The following PRKG1 variants were observed in gnomAD, a reference collection of about 807,000 sequenced individuals.
PRKG1 encodes protein kinase cGMP-dependent 1.
In PRKG1, 35 loss-of-function variants were observed where a neutral mutation model predicts 88.1. That is an observed-to-expected ratio of 0.40 (90% confidence interval 0.30 to 0.53). The LOEUF (loss-of-function observed/expected upper bound fraction) is 0.53. PRKG1 is among the 20% of genes least tolerant of loss of function. PRKG1 has a pLI of 0.59. For missense variants in PRKG1, 540 were observed against 839.8 expected (o/e 0.64, Z 4.41); for synonymous variants, 303 against 292.5 (o/e 1.04, Z -0.37).
At chr10:52,222,356 A>AATC (rs1268832550) in intron 9 of PRKG1, among the ~76,000 whole-genome samples, 1 of 152,174 alleles carries the variant, frequency 6.6e-6, no homozygotes, top group East Asian at 1.9e-4. Flanking sequence ...CCAAAAAGTC[A>AATC]ATCTGTAATT....
In PRKG1 at chr10:51,029,492, T is replaced by G. The variant is rs557991253; in HGVS notation, c.266+37848T>G. Among the ~76,000 whole-genome samples, 4 of 152,282 alleles carry G rather than the reference T, an allele frequency of 2.6e-5. No homozygotes were observed. In the East Asian group the frequency reaches 7.7e-4, roughly 29 times the overall value. On this transcript the variant is annotated intron_variant, in intron 1 of 17. Transcript: ENST00000401604. Reference sequence around the variant, plus strand: ...ATTTCCTTTATTACCATATTTCTCATGCCGGAATGTCAGAAGTCATAAAAC... The same window carrying G: ...ATTTCCTTTATTACCATATTTCTCAGGCCGGAATGTCAGAAGTCATAAAAC...
intron 5 of PRKG1, among the ~76,000 whole-genome samples, chr10:51,918,977 T>C (rs1306566638): frequency 1.3e-5 from 2 of 152,128 alleles, no homozygotes; most frequent in Non-Finnish European, 2.9e-5. Flanking sequence ...AGTAACAGGC[T>C]AAAGATAAGA....
intron 2 of PRKG1, among the ~76,000 whole-genome samples, chr10:51,260,269 AT>A (rs1177843985): frequency 1.1e-4 from 17 of 152,178 alleles, no homozygotes; most frequent in Non-Finnish European, 2.4e-4. Flanking sequence ...TGCTATTCTG[AT>A]TTAGTTTTGT....
At chr10:51,271,611 C>T (rs905690109) in intron 2 of PRKG1, among the ~76,000 whole-genome samples, 1 of 152,056 alleles carries the variant, frequency 6.6e-6, no homozygotes, top group Non-Finnish European at 1.5e-5. Flanking sequence ...TATTTTAAAT[C>T]TATGGTCTAA....
chr10:51,008,862 A>G (rs1842964707), intron 1 of PRKG1, among the ~76,000 whole-genome samples: 2 of 152,284 alleles, frequency 1.3e-5, no homozygotes, highest in Admixed American at 1.3e-4. Context: ...GGTTTTGTGG[A>G]GGCTTTTTCA....
At chr10:52,118,893 C>T (rs913622878) in intron 7 of PRKG1, among the ~76,000 whole-genome samples, 5 of 151,998 alleles carry the variant, frequency 3.3e-5, no homozygotes, top group Admixed American at 6.5e-5. Context: ...TAACTTTATA[C>T]TATAATTTTG....
At chr10:51,420,299 T>C (rs1384088756) in intron 2 of PRKG1, among the ~76,000 whole-genome samples, 1 of 152,188 alleles carries the variant, frequency 6.6e-6, no homozygotes, top group Non-Finnish European at 1.5e-5. Context: ...GCAGGATTTC[T>C]TAAATCAATC....
intron 2 of PRKG1, among the ~76,000 whole-genome samples, chr10:51,464,298 T>C (rs576325960): frequency 3.6e-4 from 55 of 151,874 alleles, no homozygotes; most frequent in Admixed American, 7.2e-4. Flanking sequence ...AAAAAAGCAG[T>C]GCTTTTTGGA....
At chr10:51,878,949 A>T (rs1262144042) in intron 4 of PRKG1, among the ~76,000 whole-genome samples, 1 of 152,186 alleles carries the variant, frequency 6.6e-6, no homozygotes, top group Non-Finnish European at 1.5e-5. Flanking sequence ...GGCATGTCTA[A>T]TCCCATTATT....
intron 3 of PRKG1, among the ~76,000 whole-genome samples, chr10:51,626,192 G>A (rs1211827772): frequency 6.6e-6 from 1 of 152,154 alleles, no homozygotes; most frequent in African/African-American, 2.4e-5. Flanking sequence ...TTTCATGCAT[G>A]TCACAAAGCA....
intron 3 of PRKG1, among the ~76,000 whole-genome samples, chr10:51,570,713 A>T (rs1031631918): frequency 6.6e-6 from 1 of 151,948 alleles, no homozygotes; most frequent in African/African-American, 2.4e-5. Flanking sequence ...AAAATCCCTA[A>T]GTATCCTGAA....
At chr10:51,454,833 T>C (rs534717024) in intron 2 of PRKG1, among the ~76,000 whole-genome samples, 2 of 152,178 alleles carry the variant, frequency 1.3e-5, no homozygotes, top group Non-Finnish European at 2.9e-5. Context: ...GGAGCTACAA[T>C]TCAAGATGAG....
At chr10:51,698,064 G>C in intron 3 of PRKG1, 1 of 1,613,986 alleles carries the variant, frequency 6.2e-7, no homozygotes, top group Non-Finnish European at 8.5e-7. Context: ...GAAATGCCTG[G>C]GACCTGTCTG....
chr10:51,354,835 C>G (rs1019410870), intron 2 of PRKG1, among the ~76,000 whole-genome samples: 3 of 152,030 alleles, frequency 2.0e-5, no homozygotes, highest in African/African-American at 7.2e-5. Flanking sequence ...GCCAGTGTTA[C>G]TTGTCTGTTT....
At chr10:51,474,029 G>A (rs1177470276) in intron 3 of PRKG1, among the ~76,000 whole-genome samples, 2 of 151,812 alleles carry the variant, frequency 1.3e-5, no homozygotes, top group Admixed American at 1.3e-4. Flanking sequence ...TATAGGTCAG[G>A]GTCAGGATGA....
At chr10:51,159,140 A>G (rs777149656) in intron 2 of PRKG1, among the ~76,000 whole-genome samples, 2 of 152,064 alleles carry the variant, frequency 1.3e-5, no homozygotes, top group Non-Finnish European at 2.9e-5. Flanking sequence ...TCCCTCCCCA[A>G]ACATTTTTTA....
intron 2 of PRKG1, among the ~76,000 whole-genome samples, chr10:51,204,473 A>G (rs1422288172): frequency 6.6e-6 from 1 of 151,844 alleles, no homozygotes; most frequent in Non-Finnish European, 1.5e-5. Flanking sequence ...TACATTTTCC[A>G]AATTCTCTAG....
intron 3 of PRKG1, among the ~76,000 whole-genome samples, chr10:51,570,367 GA>G (rs910076577): frequency 6.6e-6 from 1 of 151,648 alleles, no homozygotes; most frequent in African/African-American, 2.4e-5. Flanking sequence ...TTAAGCTAGA[GA>G]AAAAAATTGT....
intron 1 of PRKG1, among the ~76,000 whole-genome samples, chr10:51,120,425 A>T (rs781365690): frequency 6.6e-6 from 1 of 152,108 alleles, no homozygotes; most frequent in Non-Finnish European, 1.5e-5. Context: ...CACATATATC[A>T]CTATTTTTTT....
Sources: gnomAD v4.1 joint callset for allele counts (sites outside exome capture counted in the v4.1 genomes callset) on GRCh38, gnomAD v4.1.1 for gene constraint, MANE v1.5 for transcripts, NCBI Gene and HGNC (gene_info 2026-07-23, HGNC 2026-07-21) for gene names.